The following PDE7B variants were observed in gnomAD, a reference collection of about 807,000 sequenced individuals.
PDE7B encodes the protein phosphodiesterase 7B.
A neutral mutation model predicts 56.2 loss-of-function variants in PDE7B; 29 were observed. The observed-to-expected ratio is 0.52, with a 90% confidence interval of 0.38 to 0.70. The LOEUF (loss-of-function observed/expected upper bound fraction) is 0.70, where lower values mean the gene tolerates loss of function less well. Among genes scored for constraint, PDE7B ranks in the 30% least tolerant of loss-of-function variants. The probability of loss-of-function intolerance (pLI) is 0.00; values close to 1 mark genes in which losing one functional copy is unlikely to be tolerated. For missense variants in PDE7B, 490 were observed against 565.0 expected (o/e 0.87, Z 1.35); for synonymous variants, 197 against 196.9 (o/e 1.00, Z 0.00).
chr6:136,043,026 T>C (rs1370151006), intron 2 of PDE7B, among the ~76,000 whole-genome samples: 1 of 152,200 alleles, frequency 6.6e-6, no homozygotes, highest in East Asian at 1.9e-4. Flanking sequence ...CTTGTAAAAA[T>C]TTATACACAC....
chr6:136,054,326 T>G (rs528554252), intron 2 of PDE7B, among the ~76,000 whole-genome samples: 169 of 152,262 alleles, frequency 1.1e-3, no homozygotes, highest in Non-Finnish European at 1.6e-3. Context: ...TTTCCCCATT[T>G]CTTGTTTTTG....
intron 1 of PDE7B, among the ~76,000 whole-genome samples, chr6:135,921,759 G>A (rs547039751): frequency 6.6e-5 from 10 of 152,176 alleles, no homozygotes; most frequent in African/African-American, 2.4e-4. Flanking sequence ...TAGGTTGTGA[G>A]TGTATCAAAT....
At chr6:135,891,813 A>T (rs1775814695) in intron 1 of PDE7B, among the ~76,000 whole-genome samples, 1 of 152,118 alleles carries the variant, frequency 6.6e-6, no homozygotes, top group Non-Finnish European at 1.5e-5. Context: ...TTTTGAAAGG[A>T]TTCTGTCATA....
At chr6:136,070,393 A>G (rs1777027661) in intron 2 of PDE7B, 1 of 152,170 alleles carries the variant, frequency 6.6e-6, no homozygotes, top group South Asian at 2.1e-4. Flanking sequence ...TAGAATATTT[A>G]TTAATCTTTA....
intron 2 of PDE7B, among the ~76,000 whole-genome samples, chr6:136,007,128 G>T (rs1443027909): frequency 6.6e-6 from 1 of 152,076 alleles, no homozygotes; most frequent in Non-Finnish European, 1.5e-5. Context: ...AGGGATGTTG[G>T]ATTTTATCAA....
At chr6:135,981,764 CTCTT>C (rs945938205) in intron 2 of PDE7B, among the ~76,000 whole-genome samples, 4 of 150,380 alleles carry the variant, frequency 2.7e-5, no homozygotes, top group African/African-American at 9.9e-5. Context: ...TTACAATTAA[CTCTT>C]TTTTTTTTTT....
chr6:135,891,118 C>T (rs1775803061), intron 1 of PDE7B, among the ~76,000 whole-genome samples: 1 of 152,160 alleles, frequency 6.6e-6, no homozygotes, highest in African/African-American at 2.4e-5. Context: ...TTTACAGGCG[C>T]AATAGATTTT....
At chr6:136,010,203 C>T (rs746894669) in intron 2 of PDE7B, among the ~76,000 whole-genome samples, 9 of 152,088 alleles carry the variant, frequency 5.9e-5, no homozygotes, top group Non-Finnish European at 8.8e-5. Flanking sequence ...TGTTTAATTT[C>T]CATGTAATTG....
intron 2 of PDE7B, among the ~76,000 whole-genome samples, chr6:136,018,606 C>T (rs762869241): frequency 6.6e-6 from 1 of 152,130 alleles, no homozygotes; most frequent in Non-Finnish European, 1.5e-5. Context: ...ATGGTGCCTC[C>T]TCACCACAAG....
intron 2 of PDE7B, among the ~76,000 whole-genome samples, chr6:135,957,883 C>G (rs1437351562): frequency 6.6e-6 from 1 of 152,144 alleles, no homozygotes; most frequent in Non-Finnish European, 1.5e-5. Context: ...GCCATTTGAG[C>G]TCTGGGAGTA....
chr6:136,019,571 G>A (rs917027861), intron 2 of PDE7B, among the ~76,000 whole-genome samples: 4 of 152,072 alleles, frequency 2.6e-5, no homozygotes, highest in East Asian at 1.9e-4. Context: ...CATTAACTTG[G>A]CAATACAGTT....
At chr6:136,186,674 G>A (rs1442031428) in intron 11 of PDE7B, among the ~76,000 whole-genome samples, 1 of 152,172 alleles carries the variant, frequency 6.6e-6, no homozygotes, top group Non-Finnish European at 1.5e-5. Flanking sequence ...GGAGAAGGAA[G>A]GACAAAACCT....
chr6:135,903,171 A>G (rs1166378957), intron 1 of PDE7B, among the ~76,000 whole-genome samples: 1 of 152,152 alleles, frequency 6.6e-6, no homozygotes, highest in Non-Finnish European at 1.5e-5. Context: ...TAAGGGAGGG[A>G]ATTCAGATTT....
chr6:135,947,112 C>G (rs567009946), intron 1 of PDE7B, among the ~76,000 whole-genome samples: 33 of 152,096 alleles, frequency 2.2e-4, no homozygotes, highest in Admixed American at 1.4e-3. Context: ...GAATAAGGAC[C>G]AATTTTGAGA....
chr6:135,971,031 G>C (rs1583803400), intron 2 of PDE7B, among the ~76,000 whole-genome samples: 1 of 152,096 alleles, frequency 6.6e-6, no homozygotes, highest in African/African-American at 2.4e-5. Context: ...ATTGAGTTGT[G>C]TCCTGCCAAG....
At chr6:135,965,192 T>C (rs1774975356) in intron 2 of PDE7B, among the ~76,000 whole-genome samples, 1 of 152,124 alleles carries the variant, frequency 6.6e-6, no homozygotes, top group African/African-American at 2.4e-5. Flanking sequence ...TTTTAGAACA[T>C]GATGGACTAT....
chr6:135,897,829 G>A (rs80040292), intron 1 of PDE7B, among the ~76,000 whole-genome samples: 15,457 of 152,130 alleles, frequency 0.1, 804 homozygotes, highest in African/African-American at 0.12. Context: ...CCTCTCATGG[G>A]GATCTAAAGC....
intron 1 of PDE7B, among the ~76,000 whole-genome samples, chr6:135,905,348 A>ATGTG (rs71682918): frequency 0.018 from 2,607 of 148,224 alleles, 37 homozygotes; most frequent in East Asian, 0.047. Context: ...GTGTGTGTGT[A>ATGTG]TGTGTGTGTG....
intron 8 of PDE7B, among the ~76,000 whole-genome samples, chr6:136,156,920 G>A (rs1778619102): frequency 6.6e-6 from 1 of 152,008 alleles, no homozygotes; most frequent in East Asian, 1.9e-4. Context: ...CTTTTAAAAA[G>A]TTCAGTTCAA....
Sources: gnomAD v4.1 joint callset for allele counts (sites outside exome capture counted in the v4.1 genomes callset) on GRCh38, gnomAD v4.1.1 for gene constraint, MANE v1.5 for transcripts, NCBI Gene and HGNC (gene_info 2026-07-23, HGNC 2026-07-21) for gene names.